Variants in KRIT1 observed in about 807,000 individuals in gnomAD.
KRIT1 encodes krev interaction trapped protein 1.
Under a neutral mutation model 95.8 loss-of-function variants are expected in KRIT1, and 45 were observed. The ratio of observed to expected loss-of-function variants is 0.47; its 90% CI spans 0.37 to 0.60. The LOEUF is 0.60. Among genes scored for constraint, KRIT1 ranks in the 20% least tolerant of loss-of-function variants. KRIT1 has a pLI of 0.00. For missense variants in KRIT1, 788 were observed against 877.5 expected (o/e 0.90, Z 1.29); for synonymous variants, 282 against 278.8 (o/e 1.01, Z -0.11).
At chr7:92,222,451 A>G (rs1332677171) in intron 13 of KRIT1, among the ~76,000 whole-genome samples, 1 of 152,154 alleles carries the variant, frequency 6.6e-6, no homozygotes, top group African/African-American at 2.4e-5. Flanking sequence ...GATTTTAAAT[A>G]AAAAGGTTGA....
chr7:92,234,176 T>C (rs1212197329), intron 10 of KRIT1, among the ~76,000 whole-genome samples: 1 of 152,230 alleles, frequency 6.6e-6, no homozygotes, highest in Non-Finnish European at 1.5e-5. Context: ...ATAAGTGACC[T>C]TGTACTCTAC....
intron 2 of KRIT1, among the ~76,000 whole-genome samples, chr7:92,244,524 A>C (rs372537992): frequency 1.2e-4 from 18 of 152,358 alleles, no homozygotes; most frequent in African/African-American, 4.3e-4. Context: ...ATTCATTTTC[A>C]AGAACTATTC....
chr7:92,201,434 A>G lies in KRIT1; in HGVS notation c.2026-11T>C. On this transcript the variant is annotated splice_polypyrimidine_tract_variant and intron_variant, in intron 17 of 18. Coordinates refer to ENST00000394505, the MANE Select transcript of KRIT1 (RefSeq NM_194454.3). ...ACTGATGAGTAAAGCCTGCAACATA[A>G]TTGGAAACAACTATATTGAAATACA... 1.6e-6 allele frequency: 2 copies of G among 1,233,172 alleles called. No individual in the cohort carries two copies. The highest frequency in any genetic ancestry group is 1.2e-5 in the South Asian group (1 of 83,276). The allele number at this position is 1,233,172 out of a possible 1,614,324, so 76.4% of individuals were successfully genotyped here.
At chr7:92,224,994 A>C (rs1795923661) in intron 12 of KRIT1, among the ~76,000 whole-genome samples, 1 of 151,992 alleles carries the variant, frequency 6.6e-6, no homozygotes, top group Non-Finnish European at 1.5e-5. Context: ...CATCTCTACT[A>C]AAATTACAAA....
chr7:92,207,166 A>G (rs1791719774), intron 17 of KRIT1, among the ~76,000 whole-genome samples: 1 of 152,122 alleles, frequency 6.6e-6, no homozygotes, highest in African/African-American at 2.4e-5. Context: ...AAGATACCCA[A>G]GCAGATCTAA....
At chr7:92,240,470 C>T (rs1462820198) in intron 5 of KRIT1, among the ~76,000 whole-genome samples, 3 of 152,178 alleles carry the variant, frequency 2.0e-5, no homozygotes, top group Admixed American at 6.5e-5. Context: ...GCTGTTTCTA[C>T]AGCCTGAGAA....
intron 17 of KRIT1, among the ~76,000 whole-genome samples, chr7:92,209,789 A>ATGG (rs1792368817): frequency 6.6e-6 from 1 of 151,952 alleles, no homozygotes; most frequent in Non-Finnish European, 1.5e-5. Context: ...TAGGCCAGGC[A>ATGG]TGGTGGCTCA....
At chr7:92,210,193 A>T (rs1395481609) in intron 17 of KRIT1, among the ~76,000 whole-genome samples, 6 of 152,214 alleles carry the variant, frequency 3.9e-5, no homozygotes, top group Admixed American at 3.9e-4. Context: ...AAAAAATTCT[A>T]AAATTCATTT....
chr7:92,202,676 G>A (rs969810228), intron 17 of KRIT1, among the ~76,000 whole-genome samples: 1 of 152,110 alleles, frequency 6.6e-6, no homozygotes, highest in Non-Finnish European at 1.5e-5. Context: ...GCAGTGACCC[G>A]AGGTCACGCT....
chr7:92,207,179 T>C (rs1178771720), intron 17 of KRIT1, among the ~76,000 whole-genome samples: 1 of 151,982 alleles, frequency 6.6e-6, no homozygotes, highest in African/African-American at 2.4e-5. Context: ...AGATCTAACC[T>C]AAAAAGGTCT....
intron 10 of KRIT1, among the ~76,000 whole-genome samples, chr7:92,228,690 G>C (rs908377910): frequency 6.6e-6 from 1 of 151,994 alleles, no homozygotes. Flanking sequence ...TCACCACCCA[G>C]GTACTAAGCC....
Position 92,241,156 on chromosome 7 carries a change from A to C in KRIT1, c.103-4T>G, listed in dbSNP as rs1799546236. 1 of 1,596,530 alleles carries C rather than the reference A, an allele frequency of 6.3e-7. No homozygotes were observed. The highest frequency in any genetic ancestry group is 8.6e-7 in the Non-Finnish European group (1 of 1,165,128). On this transcript the variant is annotated splice_region_variant and splice_polypyrimidine_tract_variant and intron_variant, in intron 4 of 18. Transcript: ENST00000394505. ...TGGGAACTTCATGCAACAAAATCTT[A>C]GATGAGAAAAACATTAAGAGAAAGC...
intron 14 of KRIT1, among the ~76,000 whole-genome samples, chr7:92,216,461 G>A (rs1361379257): frequency 6.6e-6 from 1 of 151,794 alleles, no homozygotes; most frequent in Non-Finnish European, 1.5e-5. Context: ...ACTAGATCCC[G>A]GGGCTGGGAG....
chr7:92,241,377 G>A (rs1432327460), intron 4 of KRIT1, among the ~76,000 whole-genome samples: 1 of 152,134 alleles, frequency 6.6e-6, no homozygotes, highest in Admixed American at 6.5e-5. Context: ...AGTGAGAAAT[G>A]GTAAGCCACA....
intron 10 of KRIT1, among the ~76,000 whole-genome samples, chr7:92,232,031 A>G (rs1333216930): frequency 2.6e-5 from 4 of 152,180 alleles, no homozygotes; most frequent in African/African-American, 9.7e-5. Context: ...TCCTGGGCTC[A>G]AGCGATTCTC....
chr7:92,204,762 G>A (rs1238107694), intron 17 of KRIT1, among the ~76,000 whole-genome samples: 2 of 152,106 alleles, frequency 1.3e-5, no homozygotes, highest in Non-Finnish European at 2.9e-5. Flanking sequence ...ATGAAGCTTT[G>A]CTTGCTGCTC....
At chr7:92,213,845 T>C in intron 16 of KRIT1, 47 bp downstream of exon 16, 1 of 1,105,062 alleles carries the variant, frequency 9.0e-7, no homozygotes, top group Non-Finnish European at 1.4e-6. Context: ...CTAACAAAGT[T>C]TCAACTAGCC....
intron 10 of KRIT1, among the ~76,000 whole-genome samples, chr7:92,231,561 A>C (rs1797292923): frequency 6.6e-6 from 1 of 152,212 alleles, no homozygotes; most frequent in Non-Finnish European, 1.5e-5. Flanking sequence ...TTGTCTTACA[A>C]AAATAGGACT....
At chr7:92,219,510 T>C (rs186678858) in intron 14 of KRIT1, among the ~76,000 whole-genome samples, 1 of 152,354 alleles carries the variant, frequency 6.6e-6, no homozygotes, top group African/African-American at 2.4e-5. Context: ...TGTTTATCCT[T>C]ATGCTAGAGT....
Sources: allele counts gnomAD v4.1 joint callset (sites outside exome capture counted in the v4.1 genomes callset), GRCh38; gene constraint gnomAD v4.1.1; transcripts MANE v1.5; gene names NCBI Gene and HGNC (gene_info 2026-07-23, HGNC 2026-07-21).